USP24: variants seen among roughly 807,000 people sequenced by gnomAD.
The protein encoded by USP24 is ubiquitin specific peptidase 24.
USP24 carries 97 observed loss-of-function variants against 361.6 expected under a neutral mutation model. The observed-to-expected ratio is 0.27, with a 90% confidence interval of 0.23 to 0.32. The LOEUF (loss-of-function observed/expected upper bound fraction) is 0.32. USP24 is among the 10% of genes least tolerant of loss of function. The pLI is 1.00. For missense variants in USP24, 2,353 were observed against 3,165.6 expected (o/e 0.74, Z 6.16); for synonymous variants, 1,098 against 1,124.6 (o/e 0.98, Z 0.47).
At position 55,125,753 on chromosome 1, in the gene USP24, A is replaced by G; in HGVS notation, c.3641T>C (p.Val1214Ala). 1 of 1,572,786 alleles carries G rather than the reference A, an allele frequency of 6.4e-7. No homozygotes were observed. Among genetic ancestry groups the G allele is most frequent in the South Asian group, 1.2e-5 (1 of 84,024 alleles). ...NFLKAGGLSL[V>A]VNVMQRDSIP... The stretch of plus-strand genomic sequence containing the variant: ...GGAGTCTCTCTGCATGACATTTACA[A>G]CCAAACTTCAAAAAGAAGAAAAAAA... The change falls in exon 33 of 68, where the codon GTT becomes GCT. Residue 1214 changes from valine to alanine, a missense_variant. By Grantham distance (64) the Val-to-Ala change is moderately conservative. This residue lies in a region of USP24 where 949 missense variants were observed against 1,280.5 expected (regional missense o/e 0.74). Coordinates refer to ENST00000294383, the MANE Select transcript of USP24 (RefSeq NM_015306.3).
At chr1:55,082,147 T>C (rs1258678495) in intron 58 of USP24, among the ~76,000 whole-genome samples, 1 of 152,214 alleles carries the variant, frequency 6.6e-6, no homozygotes, top group Non-Finnish European at 1.5e-5. Context: ...GAAAAATGCC[T>C]GTGTAATGTG....
Position 55,098,458 on chromosome 1 carries a change from G to A in USP24, c.5453+18C>T, listed in dbSNP as rs138529154. The A allele has an allele frequency of 2.5e-3, 4,004 of 1,593,752 alleles. 4 individuals are homozygous for A. The highest frequency in any genetic ancestry group is 3.0e-3 in the Non-Finnish European group (3,510 of 1,164,232). On this transcript the variant is annotated intron_variant, in intron 46 of 67. Transcript: ENST00000294383. ...AAAGGATGATCATTTTTCCTGTGTC[G>A]GTGATATCTTCACTCACCTGTGAGG...
intron 1 of USP24, among the ~76,000 whole-genome samples, chr1:55,185,400 T>A (rs1644100387): frequency 6.7e-6 from 1 of 149,496 alleles, no homozygotes; most frequent in Non-Finnish European, 1.5e-5. Context: ...AAGATCAGAG[T>A]AGAAATAAAT....
chr1:55,199,966 A>G (rs1179916364), intron 1 of USP24, among the ~76,000 whole-genome samples: 1 of 152,184 alleles, frequency 6.6e-6, no homozygotes, highest in Non-Finnish European at 1.5e-5. Flanking sequence ...CAAAGAGAGA[A>G]TGAGGAAGAT....
chr1:55,069,228 G>A, intron 67 of USP24, 121 bp from the exon 68 acceptor site: 3 of 902,116 alleles, frequency 3.3e-6, no homozygotes, highest in Admixed American at 2.1e-5. Context: ...TTTATCAAAG[G>A]GTAATAAAAT....
chr1:55,187,775 T>C (rs527485813), intron 1 of USP24, among the ~76,000 whole-genome samples: 1 of 152,282 alleles, frequency 6.6e-6, no homozygotes, highest in South Asian at 2.1e-4. Context: ...TGAAGGAAAT[T>C]ATAAGAACTA....
chr1:55,148,770 G>C lies in USP24; in HGVS notation c.1861-200C>G, dbSNP rs143292979. Among the ~76,000 whole-genome samples the C allele has an allele frequency of 3.1e-3, 472 of 152,270 alleles. 1 individual carries two copies. Among genetic ancestry groups the C allele is most frequent in the African/African-American group, 0.011 (437 of 41,554 alleles). ...CTTATTCTGCATGCAATTTCCTAAA[G>C]CTAAGAACTGCAAACAGGAGTGGAT... is the stretch of plus-strand genomic sequence containing the variant. On this transcript the variant is annotated intron_variant, in intron 16 of 67. Transcript: ENST00000294383.
rs1210683970 is a variant in USP24, at chr1:55,100,389, G to A, written c.5271+450C>T. Among the ~76,000 whole-genome samples the A allele has an allele frequency of 4.6e-5, 7 of 152,056 alleles. No homozygotes were observed. In the East Asian group the frequency reaches 1.4e-3, roughly 29 times the overall value. On this transcript the variant is annotated intron_variant, in intron 44 of 67. Coordinates refer to ENST00000294383, the MANE Select transcript of USP24 (RefSeq NM_015306.3). The stretch of plus-strand genomic sequence containing the variant: ...TGCATGCCTGTAATCCCAGCCACTT[G>A]GGAGGCTGAGGCAGGATAATCGCTT...
intron 38 of USP24, among the ~76,000 whole-genome samples, chr1:55,111,650 TA>T (rs1645958070): frequency 6.6e-6 from 1 of 152,126 alleles, no homozygotes; most frequent in Admixed American, 6.5e-5. Flanking sequence ...GAAATATCAC[TA>T]AAGAATTATT....
At chr1:55,117,022 A>C (rs1182229545) in intron 38 of USP24, among the ~76,000 whole-genome samples, 2 of 152,236 alleles carry the variant, frequency 1.3e-5, no homozygotes, top group Non-Finnish European at 2.9e-5. Flanking sequence ...CTGGAATTCA[A>C]GTATGGTCCA....
At chr1:55,146,249 G>A (rs1291788645) in intron 19 of USP24, 140 bp from the exon 20 acceptor site, 1 of 541,788 alleles carries the variant, frequency 1.8e-6, no homozygotes, top group African/African-American at 1.9e-5. Context: ...AAAATGCTTG[G>A]AATTCTGAAA....
rs1649550360 is a variant in USP24, at chr1:55,172,464, G to A, written c.615C>T (p.Tyr205=). 3 of 1,613,280 alleles carry A rather than the reference G, an allele frequency of 1.9e-6. No homozygotes were observed. In the African/African-American group the frequency reaches 4.0e-5, roughly 22 times the overall value. The change falls in exon 4 of 68, where the codon TAC becomes TAT. Residue 205 remains tyrosine, a synonymous_variant. Coordinates refer to ENST00000294383, the MANE Select transcript of USP24 (RefSeq NM_015306.3). Reference sequence around the variant, plus strand: ...GTTCTATTAATAGCATCAACATGTTGTAAATTCCTTCATGAATTTCAGTAC... The same window carrying A: ...GTTCTATTAATAGCATCAACATGTTATAAATTCCTTCATGAATTTCAGTAC... ...KWGTEIHEGI[Y]NMLMLLIELV...
At position 55,137,530 on chromosome 1, in the gene USP24, T is replaced by C. The variant is rs749374179; in HGVS notation, c.3186A>G (p.Ser1062=). Residue 1062 remains serine (S), a synonymous_variant, in exon 28 of 68, where the codon TCA becomes TCG. Coordinates refer to ENST00000294383, the MANE Select transcript of USP24 (RefSeq NM_015306.3). ...CACCCAGTACCTGCTCCATGGCATA[T>C]GAAGAACTAAAAACCCCACTGCTGC... is the stretch of plus-strand genomic sequence containing the variant. The part of the protein sequence containing the change: ...SSSSSGVFSS[S]YAMEQEKSLP... 1 of 1,613,306 alleles carries C rather than the reference T, an allele frequency of 6.2e-7. No individual in the cohort carries two copies. Among genetic ancestry groups the C allele is most frequent in the East Asian group, 2.2e-5 (1 of 44,854 alleles).
intron 16 of USP24, among the ~76,000 whole-genome samples, chr1:55,151,434 G>T (rs948931312): frequency 2.6e-5 from 4 of 152,312 alleles, no homozygotes; most frequent in African/African-American, 9.6e-5. Context: ...CTCAGCTATG[G>T]CTATGTAAGG....
rs1187773666 is a variant in USP24 at position 55,134,419 on chromosome 1, G to A, written c.3202-6C>T. ...ACACCAGGGAGGGATTTCTCCTGAT[G>A]GAAAAAAGCAAAATAGAAATTCAAA... On this transcript the variant is annotated splice_polypyrimidine_tract_variant and splice_region_variant and intron_variant, in intron 28 of 67. Transcript: ENST00000294383. 1.9e-6 allele frequency: 3 copies of A among 1,603,390 alleles called. No individual in the cohort carries two copies. Among genetic ancestry groups the A allele is most frequent in the Admixed American group, 1.7e-5 (1 of 59,232 alleles).
At chr1:55,112,162 T>C (rs1029673991) in intron 38 of USP24, among the ~76,000 whole-genome samples, 5 of 152,152 alleles carry the variant, frequency 3.3e-5, no homozygotes, top group East Asian at 1.9e-4. Context: ...AGAAGTGTTA[T>C]GAGATGGAAA....
At chr1:55,166,295 C>T (rs902594243) in intron 6 of USP24, among the ~76,000 whole-genome samples, 4 of 151,780 alleles carry the variant, frequency 2.6e-5, no homozygotes, top group Admixed American at 6.6e-5. Context: ...TCTACTTTAT[C>T]GTTGTGCTCC....
At chr1:55,213,368 T>C (rs1004340409) in intron 1 of USP24, among the ~76,000 whole-genome samples, 2 of 152,240 alleles carry the variant, frequency 1.3e-5, no homozygotes, top group South Asian at 2.1e-4. Context: ...AGCAACTGTG[T>C]CTAAGTGTGG....
At chr1:55,072,293 G>T in intron 66 of USP24, 24 bp downstream of exon 66, 1 of 1,603,576 alleles carries the variant, frequency 6.2e-7, no homozygotes, top group Non-Finnish European at 8.5e-7. Context: ...TTTAGACCAC[G>T]CAAAAACAAG....
Sources: allele counts gnomAD v4.1 joint callset (sites outside exome capture counted in the v4.1 genomes callset), GRCh38; gene constraint gnomAD v4.1.1; regional missense constraint gnomAD v4.1.1; transcripts MANE v1.5; gene names NCBI Gene and HGNC (gene_info 2026-07-23, HGNC 2026-07-21).